The following TOX variants were observed in gnomAD, a reference collection of about 807,000 sequenced individuals.
TOX encodes the protein thymocyte selection associated high mobility group box, also known as thymocyte selection-associated high mobility group box protein TOX.
Under a neutral mutation model 53.7 loss-of-function variants are expected in TOX, and 11 were observed. The observed-to-expected ratio is 0.20, with a 90% CI of 0.13 to 0.34. TOX has a LOEUF of 0.34. Among genes scored for constraint, TOX ranks in the 10% least tolerant of loss-of-function variants. TOX has a pLI of 1.00. For synonymous variants in TOX, 225 were observed against 245.3 expected (o/e 0.92, Z 0.77); for missense variants, 570 against 664.6 (o/e 0.86, Z 1.56).
chr8:58,828,486 G>T (rs897864819), intron 5 of TOX, among the ~76,000 whole-genome samples: 1 of 145,618 alleles, frequency 6.9e-6, no homozygotes, highest in South Asian at 2.2e-4. Flanking sequence ...ATATTTCAGA[G>T]TTTTTTTTTT....
At chr8:58,864,796 C>A (rs1451634043) in intron 3 of TOX, among the ~76,000 whole-genome samples, 1 of 152,236 alleles carries the variant, frequency 6.6e-6, no homozygotes, top group Admixed American at 6.5e-5. Context: ...AGACGGGGAT[C>A]ATGGCTTAAT....
chr8:58,850,264 A>G (rs1810788357), intron 4 of TOX, among the ~76,000 whole-genome samples: 1 of 152,174 alleles, frequency 6.6e-6, no homozygotes, highest in Non-Finnish European at 1.5e-5. Context: ...GTTTCCATTC[A>G]TAGATCCCTG....
At chr8:59,007,886 A>G (rs776560602) in intron 1 of TOX, among the ~76,000 whole-genome samples, 3 of 152,228 alleles carry the variant, frequency 2.0e-5, no homozygotes, top group Admixed American at 6.5e-5. Flanking sequence ...AAGGTAACCA[A>G]TGATGGCACT....
chr8:59,040,261 G>A lies in TOX; in HGVS notation c.102+78625C>T, dbSNP rs767298731. 3.7e-3 allele frequency among the ~76,000 whole-genome samples: 553 copies of A among 147,846 alleles called. 2 individuals carry two copies. The highest frequency in any genetic ancestry group is 8.7e-3 in the South Asian group (41 of 4,694). On this transcript the variant is annotated intron_variant, in intron 1 of 8. Transcript: ENST00000361421. Reference sequence around the variant, plus strand: ...GGAGAATGGCGGGAACCCGGGAGGCGGAGCTTGCAGTGAGCCGAGATCCCG... The same window carrying A: ...GGAGAATGGCGGGAACCCGGGAGGCAGAGCTTGCAGTGAGCCGAGATCCCG...
At chr8:58,892,306 A>AAG (rs901154509) in intron 3 of TOX, among the ~76,000 whole-genome samples, 30 of 151,360 alleles carry the variant, frequency 2.0e-4, no homozygotes, top group South Asian at 1.5e-3. Flanking sequence ...GAGAGAAAGA[A>AAG]AGAGAGAGAG....
At chr8:59,066,221 T>TA (rs1246631127) in intron 1 of TOX, among the ~76,000 whole-genome samples, 1 of 152,220 alleles carries the variant, frequency 6.6e-6, no homozygotes, top group African/African-American at 2.4e-5. Context: ...GAAAAGGACT[T>TA]ACAATAGTTT....
chr8:58,972,092 A>C (rs1712249344), intron 1 of TOX, among the ~76,000 whole-genome samples: 1 of 152,254 alleles, frequency 6.6e-6, no homozygotes, highest in Admixed American at 6.5e-5. Flanking sequence ...TGGTAAAATC[A>C]CCAATTAAAT....
chr8:59,113,099 T>C lies in TOX; in HGVS notation c.102+5787A>G, dbSNP rs118117756. Among the ~76,000 whole-genome samples the C allele has an allele frequency of 3.5e-3, 536 of 152,328 alleles. 1 individual carries two copies. Among genetic ancestry groups the C allele is most frequent in the Non-Finnish European group, 6.4e-3 (433 of 68,030 alleles). On this transcript the variant is annotated intron_variant, in intron 1 of 8. Transcript: ENST00000361421. ...TTCCTGTTCTAGTTATCTATGTATA[T>C]TCTGATGAGAATACATCCACATGCT...
Position 58,808,260 on chromosome 8 carries a change from G to A in TOX, c.1402C>T (p.Leu468Phe). 1 of 1,608,108 alleles carries A rather than the reference G, an allele frequency of 6.2e-7. No homozygotes were observed. The highest frequency in any genetic ancestry group is 1.3e-5 in the African/African-American group (1 of 74,748). Residue 468 changes from leucine to phenylalanine, a missense_variant, in exon 8 of 9, where the codon CTT becomes TTT. Around this residue, in one of 3 missense-constraint regions of TOX, gnomAD observed 239 missense variants for 250.7 expected, o/e 0.95. Transcript: ENST00000361421. ...ATAATAGTCTGATAGTCGGGTTGAAGAGTAAATCCCTGAAAGGGAAAGCAA... is the reference window on the plus strand; with the variant it reads ...ATAATAGTCTGATAGTCGGGTTGAAAAGTAAATCCCTGAAAGGGAAAGCAA... Reference protein sequence around the residue: ...HSPTMQQGFTLQPDYQTIINP... With the variant: ...HSPTMQQGFTFQPDYQTIINP...
intron 3 of TOX, among the ~76,000 whole-genome samples, chr8:58,925,356 AG>A (rs1329166038): frequency 2.0e-5 from 3 of 152,350 alleles, no homozygotes; most frequent in Non-Finnish European, 4.4e-5. Context: ...TTCATCGCGC[AG>A]TTAGCTCTTC....
chr8:59,102,529 G>C (rs927449116), intron 1 of TOX, among the ~76,000 whole-genome samples: 2 of 151,920 alleles, frequency 1.3e-5, no homozygotes, highest in Non-Finnish European at 2.9e-5. Flanking sequence ...GTGCCCAGTC[G>C]AAACTCCCGT....
chr8:59,058,423 G>T (rs562937445), intron 1 of TOX, among the ~76,000 whole-genome samples: 1 of 152,328 alleles, frequency 6.6e-6, no homozygotes, highest in Admixed American at 6.5e-5. Context: ...GTGGGGCCAT[G>T]AGGGGAGCAG....
chr8:58,924,130 G>C (rs540203332), intron 3 of TOX, among the ~76,000 whole-genome samples: 2 of 152,292 alleles, frequency 1.3e-5, no homozygotes, highest in African/African-American at 4.8e-5. Flanking sequence ...TTCACAAATA[G>C]AAAATGATAT....
At chr8:59,063,483 A>G (rs917920866) in intron 1 of TOX, among the ~76,000 whole-genome samples, 1 of 144,916 alleles carries the variant, frequency 6.9e-6, no homozygotes, top group East Asian at 2.0e-4. Context: ...GAATGCAGTG[A>G]CATGATCTTA....
chr8:59,116,339 G>C (rs1805098382), intron 1 of TOX, among the ~76,000 whole-genome samples: 1 of 152,146 alleles, frequency 6.6e-6, no homozygotes, highest in Non-Finnish European at 1.5e-5. Flanking sequence ...GTTCTTTTGG[G>C]GATGTCTGAT....
chr8:58,877,177 C>T (rs370147264), intron 3 of TOX, among the ~76,000 whole-genome samples: 3 of 152,100 alleles, frequency 2.0e-5, no homozygotes, highest in African/African-American at 4.8e-5. Flanking sequence ...TTTTTCATTA[C>T]GAAAAGATTT....
intron 3 of TOX, among the ~76,000 whole-genome samples, chr8:58,937,506 G>C (rs987140830): frequency 5.9e-5 from 9 of 152,190 alleles, no homozygotes; most frequent in Admixed American, 3.3e-4. Flanking sequence ...AGGATGGCAT[G>C]ACTGCCATGG....
intron 1 of TOX, among the ~76,000 whole-genome samples, chr8:59,106,313 GAA>G (rs60922087): frequency 7.4e-5 from 11 of 148,710 alleles, no homozygotes; most frequent in Middle Eastern, 3.5e-3. Flanking sequence ...CTTTAGGGGG[GAA>G]AAAAAAAGAA....
chr8:59,024,309 T>C (rs1585970901), intron 1 of TOX, among the ~76,000 whole-genome samples: 2 of 152,322 alleles, frequency 1.3e-5, no homozygotes, highest in East Asian at 3.9e-4. Context: ...GATAAAAATA[T>C]TTCTAAAGTG....
Sources: allele counts gnomAD v4.1 joint callset (sites outside exome capture counted in the v4.1 genomes callset), GRCh38; gene constraint gnomAD v4.1.1; regional missense constraint gnomAD v4.1.1; transcripts MANE v1.5; gene names NCBI Gene and HGNC (gene_info 2026-07-23, HGNC 2026-07-21).